The following WIPI1 variants were observed in gnomAD, a reference collection of about 807,000 sequenced individuals.
WIPI1 encodes WD repeat domain, phosphoinositide interacting 1, also known as WD repeat domain phosphoinositide-interacting protein 1.
A neutral mutation model predicts 55.3 loss-of-function variants in WIPI1; 45 were observed. The observed-to-expected ratio is 0.81, with a 90% CI of 0.64 to 1.04. The LOEUF (loss-of-function observed/expected upper bound fraction) is 1.04, where lower values mean the gene tolerates loss of function less well. WIPI1 is among the 50% of genes least tolerant of loss of function. WIPI1 has a pLI of 0.00. For missense variants in WIPI1, 445 were observed against 559.0 expected, an observed-to-expected ratio of 0.80 and a Z score of 2.06; for synonymous variants, 195 against 217.6, an observed-to-expected ratio of 0.90 and a Z score of 0.92.
intron 4 of WIPI1, among the ~76,000 whole-genome samples, chr17:68,439,853 C>G (rs1204313617): frequency 1.3e-5 from 2 of 152,154 alleles, no homozygotes; most frequent in Admixed American, 6.5e-5. Flanking sequence ...AGATGCCAAG[C>G]CTTCGTTTCT....
At chr17:68,457,313 T>C (rs549567348) in intron 1 of WIPI1, 29 bp downstream of exon 1, 1 of 1,539,134 alleles carries the variant, frequency 6.5e-7, no homozygotes, top group East Asian at 2.6e-5. Flanking sequence ...GTCCCCCACC[T>C]CCCTGGCAGG....
chr17:68,436,656 A>C (rs1311949663), intron 4 of WIPI1, among the ~76,000 whole-genome samples, 177 bp from the exon 5 acceptor site: 3 of 152,200 alleles, frequency 2.0e-5, no homozygotes, highest in Non-Finnish European at 4.4e-5. Context: ...CAATAAAGCA[A>C]CTTCACAGGG....
At chr17:68,438,758 G>A (rs556540448) in intron 4 of WIPI1, among the ~76,000 whole-genome samples, 103 of 152,250 alleles carry the variant, frequency 6.8e-4, no homozygotes, top group African/African-American at 2.3e-3. Context: ...GTGCCACCAC[G>A]CCCAGCTAAT....
chr17:68,456,501 G>A (rs2084648050), intron 1 of WIPI1, among the ~76,000 whole-genome samples: 1 of 66,496 alleles, frequency 1.5e-5, no homozygotes, highest in African/African-American at 5.7e-5. Flanking sequence ...TGAAAATAGG[G>A]AAAGAAACAG....
At chr17:68,426,438 G>A (rs2083201389) in intron 11 of WIPI1, among the ~76,000 whole-genome samples, 1 of 152,136 alleles carries the variant, frequency 6.6e-6, no homozygotes, top group Admixed American at 6.5e-5. Flanking sequence ...TCAGTATGTT[G>A]CCCAGGCTGG....
intron 4 of WIPI1, among the ~76,000 whole-genome samples, chr17:68,439,418 A>G (rs1459600995): frequency 6.6e-6 from 1 of 152,212 alleles, no homozygotes; most frequent in Non-Finnish European, 1.5e-5. Flanking sequence ...TAAAATGTCC[A>G]GAATAGAGAA....
At position 68,423,486 on chromosome 17, in the gene WIPI1, G is replaced by T. The variant is rs933272862; in HGVS notation, c.1294-1666C>A. Among the ~76,000 whole-genome samples the T allele has an allele frequency of 4.8e-4, 73 of 152,290 alleles. 1 individual carries two copies. The highest frequency in any genetic ancestry group is 1.9e-4 in the East Asian group (1 of 5,182). ...GCCACGACACAGCCCTGCACACAGG[G>T]GCTGCTTGACACTCACAAGGGTCTA... On this transcript the variant is annotated intron_variant, in intron 12 of 12. Transcript: ENST00000262139. The surrounding 1 kb of genome is among the most constrained non-coding windows in gnomAD (Gnocchi z 4.4).
intron 11 of WIPI1, 152 bp downstream of exon 11, chr17:68,426,983 A>C: frequency 4.6e-6 from 3 of 653,644 alleles, no homozygotes; most frequent in Non-Finnish European, 7.9e-6. Flanking sequence ...CAAGGAGAGC[A>C]CTCCACCCCC....
intron 5 of WIPI1, 102 bp downstream of exon 5, chr17:68,436,280 A>T: frequency 9.6e-7 from 1 of 1,041,720 alleles, no homozygotes; most frequent in Non-Finnish European, 1.5e-6. Flanking sequence ...GCTTACTCCC[A>T]CCGCCTCCAG....
intron 1 of WIPI1, among the ~76,000 whole-genome samples, 188 bp downstream of exon 1, chr17:68,457,154 G>A (rs1358469509): frequency 6.6e-6 from 1 of 152,086 alleles, no homozygotes; most frequent in Non-Finnish European, 1.5e-5. Context: ...GTGGGGTGGG[G>A]TGGGGGGTGC....
At chr17:68,428,742 G>C (rs993826372) in intron 10 of WIPI1, 87 bp downstream of exon 10, 4 of 991,034 alleles carry the variant, frequency 4.0e-6, no homozygotes, top group East Asian at 2.5e-5. Context: ...TCAATGCAAG[G>C]GCACTGAAGC....
At chr17:68,429,172 G>A (rs1265326182) in intron 9 of WIPI1, among the ~76,000 whole-genome samples, 1 of 152,184 alleles carries the variant, frequency 6.6e-6, no homozygotes, top group Non-Finnish European at 1.5e-5. Context: ...AGTGAGTGTA[G>A]ATGCTGCGAC....
At chr17:68,422,163 C>T (rs151072758) in intron 12 of WIPI1, 2,480 of 226,064 alleles carry the variant, frequency 0.011, 66 homozygotes, top group African/African-American at 0.053. Context: ...CGCGGTGGCT[C>T]ACGCCTGTAA....
At chr17:68,430,203 C>T in intron 8 of WIPI1, 43 bp from the exon 9 acceptor site, 1 of 1,567,492 alleles carries the variant, frequency 6.4e-7, no homozygotes, top group Non-Finnish European at 8.6e-7. Context: ...GGGCTGCAGG[C>T]CCCACACGCA....
chr17:68,436,460 G>C lies in WIPI1; in HGVS notation c.450C>G (p.Ile150Met), dbSNP rs1188795497. Residue 150 changes from isoleucine to methionine, a missense_variant, in exon 5 of 13, where the codon ATC becomes ATG. Coordinates refer to ENST00000262139, the MANE Select transcript of WIPI1 (RefSeq NM_017983.7). ...AGGCCAGGTAAGAATTGGAATGGTT[G>C]ATAGAGAGAGCACATAGACCTGGCA... The part of the protein sequence containing the change: ...ANPTGLCALS[I>M]NHSNSYLAYP... The C allele has an allele frequency of 5.0e-6, 8 of 1,613,960 alleles. No individual in the cohort carries two copies. Among genetic ancestry groups the C allele is most frequent in the Non-Finnish European group, 6.8e-6 (8 of 1,179,884 alleles).
chr17:68,447,295 A>G (rs1048973337), intron 3 of WIPI1, among the ~76,000 whole-genome samples: 4 of 152,214 alleles, frequency 2.6e-5, no homozygotes, highest in Non-Finnish European at 5.9e-5. Context: ...CATAAAATAT[A>G]TTTCCTCAGT....
chr17:68,435,597 G>A, intron 6 of WIPI1, 23 bp downstream of exon 6: 3 of 1,611,254 alleles, frequency 1.9e-6, no homozygotes, highest in South Asian at 2.2e-5. Context: ...CCCAGACAGA[G>A]GTGTTGGTGG....
intron 3 of WIPI1, among the ~76,000 whole-genome samples, chr17:68,446,724 C>G (rs1159170388): frequency 6.6e-6 from 1 of 152,202 alleles, no homozygotes; most frequent in East Asian, 1.9e-4. Flanking sequence ...GCCCCACACC[C>G]AATCCCTGGG....
chr17:68,436,558 G>T, intron 4 of WIPI1, 79 bp from the exon 5 acceptor site: 1 of 1,351,844 alleles, frequency 7.4e-7, no homozygotes, highest in Non-Finnish European at 1.0e-6. Context: ...TCTGAAAACA[G>T]TACAGCTACA....
Sources: gnomAD v4.1 joint callset for allele counts (sites outside exome capture counted in the v4.1 genomes callset) on GRCh38, gnomAD v4.1.1 for gene constraint, Gnocchi (gnomAD v3.1) non-coding constraint, MANE v1.5 for transcripts, NCBI Gene and HGNC (gene_info 2026-07-23, HGNC 2026-07-21) for gene names.